The following PTPRN2 variants were observed in gnomAD, a reference collection of about 807,000 sequenced individuals.
PTPRN2 encodes the protein protein tyrosine phosphatase receptor type N2.
Under a neutral mutation model 118.8 loss-of-function variants are expected in PTPRN2, and 74 were observed. The ratio of observed to expected loss-of-function variants is 0.62; its 90% CI spans 0.52 to 0.76. The LOEUF (loss-of-function observed/expected upper bound fraction) is 0.76. Ranked by LOEUF, PTPRN2 falls within the 30% of genes least tolerant of loss-of-function variation. The pLI is 0.00. For missense variants in PTPRN2, 1,481 were observed against 1,394.4 expected, an observed-to-expected ratio of 1.06 and a Z score of -0.99; for synonymous variants, 641 against 608.0, an observed-to-expected ratio of 1.05 and a Z score of -0.80.
chr7:158,178,589 C>CT (rs56710690), intron 5 of PTPRN2, among the ~76,000 whole-genome samples: 881 of 67,368 alleles, frequency 0.013, 44 homozygotes, highest in Non-Finnish European at 0.02. Flanking sequence ...CATTTTCTTT[C>CT]TTTTTTTTTT....
intron 8 of PTPRN2, among the ~76,000 whole-genome samples, chr7:158,136,417 T>C (rs1360451179): frequency 6.6e-6 from 1 of 152,212 alleles, no homozygotes; most frequent in Non-Finnish European, 1.5e-5. Context: ...ACCACGACTT[T>C]CATATTTCTA....
intron 12 of PTPRN2, among the ~76,000 whole-genome samples, chr7:157,825,326 G>A (rs1807102218): frequency 6.6e-6 from 1 of 152,136 alleles, no homozygotes; most frequent in African/African-American, 2.4e-5. Flanking sequence ...ATCATGAGGA[G>A]CAGCTCAGGG....
chr7:157,915,081 AT>A (rs1344858139), intron 11 of PTPRN2, among the ~76,000 whole-genome samples: 10 of 152,182 alleles, frequency 6.6e-5, no homozygotes. Flanking sequence ...TCATATTAAA[AT>A]ATTTAAATTT....
intron 15 of PTPRN2, among the ~76,000 whole-genome samples, chr7:157,606,311 A>C (rs1314326471): frequency 6.6e-6 from 1 of 152,150 alleles, no homozygotes; most frequent in African/African-American, 2.4e-5. Flanking sequence ...CTGGGTCTGC[A>C]GCTACGGTTT....
intron 11 of PTPRN2, among the ~76,000 whole-genome samples, chr7:157,967,128 T>C (rs1802000948): frequency 6.6e-6 from 1 of 152,160 alleles, no homozygotes; most frequent in Admixed American, 6.5e-5. Flanking sequence ...GAGAACCACC[T>C]GGGCAACATA....
intron 12 of PTPRN2, among the ~76,000 whole-genome samples, chr7:157,711,792 A>G (rs1798638091): frequency 6.6e-6 from 1 of 151,744 alleles, no homozygotes; most frequent in Admixed American, 6.6e-5. Context: ...CATGGCCGTC[A>G]TTTTCTACCG....
chr7:158,039,337 A>G (rs1020979943), intron 11 of PTPRN2, among the ~76,000 whole-genome samples: 3 of 152,224 alleles, frequency 2.0e-5, no homozygotes, highest in Non-Finnish European at 4.4e-5. Flanking sequence ...GGAGGAAAAG[A>G]AAAAGCTGAG....
intron 2 of PTPRN2, among the ~76,000 whole-genome samples, chr7:158,464,851 C>A (rs1819279894): frequency 6.6e-6 from 1 of 152,214 alleles, no homozygotes; most frequent in Admixed American, 6.5e-5. Context: ...TCATCCTTAC[C>A]ATCGCTATCA....
At chr7:157,681,467 G>A (rs1796912437) in intron 13 of PTPRN2, among the ~76,000 whole-genome samples, 2 of 152,212 alleles carry the variant, frequency 1.3e-5, no homozygotes, top group African/African-American at 4.8e-5. Flanking sequence ...ATTTGAAGTT[G>A]CCATTTCTTT....
intron 12 of PTPRN2, among the ~76,000 whole-genome samples, chr7:157,811,264 C>A (rs1806017718): frequency 7.6e-6 from 1 of 131,954 alleles, no homozygotes; most frequent in South Asian, 2.4e-4. Context: ...GAGCGAGACT[C>A]CATCTCAAAA....
chr7:158,203,620 A>G (rs994898344), intron 4 of PTPRN2, among the ~76,000 whole-genome samples: 4 of 151,910 alleles, frequency 2.6e-5, no homozygotes, highest in African/African-American at 9.7e-5. Flanking sequence ...AGGAGGAGCC[A>G]TCCCTTGCTT....
chr7:158,181,748 A>G (rs1174416149), intron 5 of PTPRN2, among the ~76,000 whole-genome samples: 1 of 152,196 alleles, frequency 6.6e-6, no homozygotes, highest in Non-Finnish European at 1.5e-5. Flanking sequence ...TGTTCATAAT[A>G]GTCGTGAATA....
chr7:158,489,886 C>T, intron 1 of PTPRN2, 101 bp from the exon 2 acceptor site: 2 of 1,140,214 alleles, frequency 1.8e-6, no homozygotes, highest in East Asian at 2.6e-5. Context: ...GAGAAACCGC[C>T]GGTCAAGCAG....
chr7:158,286,375 T>A, intron 3 of PTPRN2, among the ~76,000 whole-genome samples: 1 of 152,210 alleles, frequency 6.6e-6, no homozygotes, highest in Admixed American at 6.5e-5. Flanking sequence ...CTGGCTAGGT[T>A]TTGCAATACA....
chr7:158,557,101 G>A (rs537858208), intron 1 of PTPRN2, among the ~76,000 whole-genome samples: 4 of 116,208 alleles, frequency 3.4e-5, no homozygotes, highest in African/African-American at 6.7e-5. Flanking sequence ...TGTGCAGGTC[G>A]CTCCTGGGCA....
intron 6 of PTPRN2, among the ~76,000 whole-genome samples, chr7:158,165,474 C>T (rs1822878564): frequency 6.6e-6 from 1 of 152,254 alleles, no homozygotes; most frequent in African/African-American, 2.4e-5. Context: ...AATGGTCACA[C>T]GTCCTTCCCT....
chr7:157,906,357 C>T (rs1379411469), intron 11 of PTPRN2, among the ~76,000 whole-genome samples: 3 of 152,192 alleles, frequency 2.0e-5, no homozygotes, highest in African/African-American at 4.8e-5. Flanking sequence ...CCCACCTGGT[C>T]GCAGGGCTGA....
At chr7:157,752,142 C>T (rs904525639) in intron 12 of PTPRN2, among the ~76,000 whole-genome samples, 1 of 152,252 alleles carries the variant, frequency 6.6e-6, no homozygotes, top group African/African-American at 2.4e-5. Context: ...TCTTCAGAGC[C>T]CACCTGCCTG....
chr7:158,156,821 C>A (rs1271783569), intron 6 of PTPRN2, among the ~76,000 whole-genome samples: 2 of 152,248 alleles, frequency 1.3e-5, no homozygotes, highest in African/African-American at 4.8e-5. Flanking sequence ...CAGGTTGGAA[C>A]TGGGGAGATT....
Sources: allele counts gnomAD v4.1 joint callset (sites outside exome capture counted in the v4.1 genomes callset), GRCh38; gene constraint gnomAD v4.1.1; transcripts MANE v1.5; gene names NCBI Gene and HGNC (gene_info 2026-07-23, HGNC 2026-07-21).